SYS1: variants seen among roughly 807,000 people sequenced by gnomAD.
SYS1 encodes SYS1 golgi trafficking protein.
Under a neutral mutation model 17.8 loss-of-function variants are expected in SYS1, and 8 were observed. The observed-to-expected ratio is 0.45, with a 90% CI of 0.26 to 0.81. The LOEUF (loss-of-function observed/expected upper bound fraction) is 0.81, where lower values mean the gene tolerates loss of function less well. Ranked by LOEUF, SYS1 falls within the 40% of genes least tolerant of loss-of-function variation. The pLI, the probability that SYS1 is intolerant of heterozygous loss-of-function variation, is 0.16. For synonymous variants in SYS1, 95 were observed against 90.9 expected, an observed-to-expected ratio of 1.05 and a Z score of -0.26; for missense variants, 161 against 203.9, an observed-to-expected ratio of 0.79 and a Z score of 1.28.
Position 45,367,196 on chromosome 20 carries a change from C to G in SYS1, c.*81C>G. The G allele has an allele frequency of 6.4e-7, 1 of 1,563,276 alleles. No homozygotes were observed. The highest frequency in any genetic ancestry group is 1.2e-5 in the South Asian group (1 of 82,820). On this transcript the variant is annotated 3_prime_UTR_variant, in exon 4 of 4. Coordinates refer to ENST00000243918, the MANE Select transcript of SYS1 (RefSeq NM_033542.4). ...CTCAGACCCTCCAGATGAGGTCCAG[C>G]CCAGATCTGAGAGGAACCCTGGAAA...
At chr20:45,363,427 C>G in intron 1 of SYS1, 102 bp from the exon 2 acceptor site, 1 of 1,464,482 alleles carries the variant, frequency 6.8e-7, no homozygotes, top group Non-Finnish European at 9.0e-7. Flanking sequence ...CCCCCTGACT[C>G]TTGGAATGGG....
At position 45,363,253 on chromosome 20, in the gene SYS1, T is replaced by G; in HGVS notation, c.-66T>G. The G allele has an allele frequency of 8.4e-7, 1 of 1,195,722 alleles. No individual in the cohort carries two copies. Among genetic ancestry groups the G allele is most frequent in the Non-Finnish European group, 1.0e-6 (1 of 957,316 alleles). 74.1% of individuals were successfully genotyped at this position (1,195,722 alleles called of 1,614,324 possible). On this transcript the variant is annotated 5_prime_UTR_variant, in exon 1 of 4. Coordinates refer to ENST00000243918, the MANE Select transcript of SYS1 (RefSeq NM_033542.4). ...CCATGGTCCTGTCTGTCAGCGCTGTTTTGGGAGCCCGCCGGTGAGGCCGGG... is the reference window on the plus strand; with the variant it reads ...CCATGGTCCTGTCTGTCAGCGCTGTGTTGGGAGCCCGCCGGTGAGGCCGGG...
intron 2 of SYS1, among the ~76,000 whole-genome samples, chr20:45,363,904 A>G (rs1428700002): frequency 6.6e-6 from 1 of 152,210 alleles, no homozygotes; most frequent in Non-Finnish European, 1.5e-5. Flanking sequence ...CTGGATGTTA[A>G]TACAATAAAC....
chr20:45,365,071 A>G (rs1187699936), intron 2 of SYS1: 2 of 208,684 alleles, frequency 9.6e-6, no homozygotes, highest in African/African-American at 4.6e-5. Flanking sequence ...TCCTGGGAAG[A>G]GCTGTGGGAA....
rs934972705 is a variant in SYS1 at position 45,363,588 on chromosome 20, C to A, written c.57C>A (p.Ile19=). Reference sequence around the variant, plus strand: ...ACCCGCTGCTGATCCTGTCGCAGATCGTCCTCATGCAGACCGTGTATTACG... The same window carrying A: ...ACCCGCTGCTGATCCTGTCGCAGATAGTCCTCATGCAGACCGTGTATTACG... ...VWDPLLILSQ[I]VLMQTVYYGS... is the part of the protein sequence containing the mutation. Residue 19 remains isoleucine (I), a synonymous_variant, in exon 2 of 4, where the codon ATC becomes ATA. Transcript: ENST00000243918. 17 of 1,602,668 alleles carry A rather than the reference C, an allele frequency of 1.1e-5. No individual in the cohort carries two copies. Among genetic ancestry groups the A allele is most frequent in the Middle Eastern group, 3.3e-4 (2 of 6,068 alleles).
At chr20:45,362,179 T>C, upstream of SYS1, 1 of 268,958 alleles carries the variant, frequency 3.7e-6, no homozygotes, top group Non-Finnish European at 5.7e-6. Context: ...CTTCAGAACC[T>C]GTGCCTTTTT....
chr20:45,375,150 G>T lies in SYS1; in HGVS notation c.*856G>T, dbSNP rs2231622. On this transcript the variant is annotated 3_prime_UTR_variant, in exon 4 of 4. Transcript: ENST00000426004. The stretch of plus-strand genomic sequence containing the variant: ...TGCACATCACCCTGGGCGCCGGGAG[G>T]TGGATTCGTGTGGGCAGCCCCTCAA... 4.9e-3 allele frequency: 7,970 copies of T among 1,614,156 alleles called. 307 individuals carry two copies. In the African/African-American group the frequency reaches 0.093, roughly 19 times the overall value.
At chr20:45,365,753 G>A in intron 3 of SYS1, 67 bp downstream of exon 3, 1 of 1,495,758 alleles carries the variant, frequency 6.7e-7, no homozygotes, top group Non-Finnish European at 9.3e-7. Context: ...TCCTAAGTTT[G>A]AACATGAGAC....
chr20:45,367,285 A>T lies in SYS1; in HGVS notation c.*170A>T. 1 of 1,437,798 alleles carries T rather than the reference A, an allele frequency of 7.0e-7. No individual in the cohort carries two copies. The highest frequency in any genetic ancestry group is 9.1e-7 in the Non-Finnish European group (1 of 1,099,026). 89.1% of individuals were successfully genotyped at this position (1,437,798 alleles called of 1,614,324 possible). A position where few individuals can be genotyped will look rare whatever the true frequency, so the allele number is the denominator to read the frequency against. ...CTGTCAAAGAAGGCAGGTAGCAGTC[A>T]GCATGACAGCTGCAAGAATGACCTC... On this transcript the variant is annotated 3_prime_UTR_variant, in exon 4 of 4. Transcript: ENST00000243918.
chr20:45,374,268 CT>C, intron 3 of SYS1: 1 of 697,664 alleles, frequency 1.4e-6, no homozygotes, highest in South Asian at 1.5e-5. Context: ...CAGAGTAAAT[CT>C]TTTTTTCCTT....
chr20:45,365,500 AGGG>A, intron 2 of SYS1, 116 bp from the exon 3 acceptor site: 1 of 913,484 alleles, frequency 1.1e-6, no homozygotes, highest in Non-Finnish European at 1.8e-6. Flanking sequence ...GTACAGATGT[AGGG>A]AGGTATTATC....
At chr20:45,371,284 GC>G (rs1988556114), downstream of SYS1, among the ~76,000 whole-genome samples, 1 of 152,156 alleles carries the variant, frequency 6.6e-6, no homozygotes, top group South Asian at 2.1e-4. Context: ...GCCTAGCCCA[GC>G]CCCTGGCACG....
intron 2 of SYS1, among the ~76,000 whole-genome samples, chr20:45,364,766 C>T (rs917495578): frequency 2.0e-5 from 3 of 152,064 alleles, no homozygotes; most frequent in Non-Finnish European, 4.4e-5. Flanking sequence ...CCACCGCGCC[C>T]GGCCGAGCAC....
chr20:45,372,853 C>T (rs1373961072), downstream of SYS1: 2 of 144,962 alleles, frequency 1.4e-5, no homozygotes, highest in African/African-American at 2.5e-5. Context: ...GTGGCTCCGC[C>T]CAGGCTGGTC....
downstream of SYS1, chr20:45,372,494 C>G (rs1200230220): frequency 6.6e-6 from 1 of 152,306 alleles, no homozygotes; most frequent in Admixed American, 6.5e-5. Context: ...GATTTTTTAG[C>G]TGGGAGGGCG....
chr20:45,374,128 T>C (rs558064057), downstream of SYS1: 134 of 928,640 alleles, frequency 1.4e-4, no homozygotes, highest in East Asian at 1.4e-3. Flanking sequence ...GAAATGCCTT[T>C]GCTAAAAAGG....
At chr20:45,370,368 C>G (rs1450710720), downstream of SYS1, among the ~76,000 whole-genome samples, 3 of 152,174 alleles carry the variant, frequency 2.0e-5, no homozygotes, top group Non-Finnish European at 4.4e-5. Flanking sequence ...AGTTGACCTC[C>G]CTTTTTCCCA....
rs779736616 is a variant in SYS1 at position 45,363,669 on chromosome 20, G to A, written c.138G>A (p.Ser46=). Residue 46 remains serine (S), a synonymous_variant, in exon 2 of 4, where the codon TCG becomes TCA. Coordinates refer to ENST00000243918, the MANE Select transcript of SYS1 (RefSeq NM_033542.4). ...LVDGLVRSSP[S]LDQMFDAEIL... is the part of the protein sequence containing the mutation. ...ACGGGCTAGTGCGAAGCAGCCCCTCGCTGGACCAGATGTTCGACGCCGAGG... is the reference window on the plus strand; with the variant it reads ...ACGGGCTAGTGCGAAGCAGCCCCTCACTGGACCAGATGTTCGACGCCGAGG... 7 of 1,572,028 alleles carry A rather than the reference G, an allele frequency of 4.5e-6. No individual in the cohort carries two copies. Among genetic ancestry groups the A allele is most frequent in the East Asian group, 2.4e-5 (1 of 42,336 alleles).
chr20:45,366,754 T>C, intron 3 of SYS1, 121 bp from the exon 4 acceptor site: 1 of 812,036 alleles, frequency 1.2e-6, no homozygotes, highest in Non-Finnish European at 2.1e-6. Context: ...TCATAACCCT[T>C]GCTTCACACT....
Sources: gnomAD v4.1 joint callset for allele counts (sites outside exome capture counted in the v4.1 genomes callset) on GRCh38, gnomAD v4.1.1 for gene constraint, MANE v1.5 for transcripts, NCBI Gene and HGNC (gene_info 2026-07-23, HGNC 2026-07-21) for gene names.